Variants in PATJ observed in about 807,000 individuals in gnomAD.
The protein encoded by PATJ is PATJ crumbs cell polarity complex component.
A neutral mutation model predicts 224.9 loss-of-function variants in PATJ; 190 were observed. That is an observed-to-expected ratio of 0.84 (90% CI 0.75 to 0.95). The LOEUF (loss-of-function observed/expected upper bound fraction) is 0.95. Among genes scored for constraint, PATJ ranks in the 40% least tolerant of loss-of-function variants. PATJ has a pLI of 0.00. For synonymous variants in PATJ, 769 were observed against 820.3 expected (o/e 0.94, Z 1.07); for missense variants, 2,121 against 2,270.3 (o/e 0.93, Z 1.34).
At chr1:61,800,399 A>G (rs1441943454) in intron 11 of PATJ, among the ~76,000 whole-genome samples, 1 of 152,070 alleles carries the variant, frequency 6.6e-6, no homozygotes, top group Non-Finnish European at 1.5e-5. Context: ...ATGTCTGTTC[A>G]TGTCTTTTGC....
intron 37 of PATJ, 96 bp from the exon 38 acceptor site, chr1:62,121,085 T>A (rs553843693): frequency 4.0e-6 from 3 of 757,980 alleles, no homozygotes; most frequent in Non-Finnish European, 6.6e-6. Flanking sequence ...TAGATGGTTA[T>A]GGTGACATCA....
At chr1:61,899,257 T>G (rs1336608182) in intron 22 of PATJ, among the ~76,000 whole-genome samples, 1 of 152,182 alleles carries the variant, frequency 6.6e-6, no homozygotes, top group Non-Finnish European at 1.5e-5. Flanking sequence ...TTTTAAGGAA[T>G]ACATTTTATA....
At chr1:61,859,649 A>G (rs1664247398) in intron 18 of PATJ, among the ~76,000 whole-genome samples, 1 of 150,302 alleles carries the variant, frequency 6.7e-6, no homozygotes, top group Admixed American at 6.6e-5. Context: ...ATGGAGTTTC[A>G]CTCTTGTTGC....
At chr1:61,963,033 ATGTTCTT>A (rs1681536117) in intron 27 of PATJ, among the ~76,000 whole-genome samples, 1 of 152,246 alleles carries the variant, frequency 6.6e-6, no homozygotes, top group African/African-American at 2.4e-5. Flanking sequence ...AGGCTGAGAA[ATGTTCTT>A]TTTCTTCTGT....
At chr1:62,160,880 A>T in intron 43 of PATJ, 28 bp from the exon 44 acceptor site, 1 of 1,612,462 alleles carries the variant, frequency 6.2e-7, no homozygotes, top group Non-Finnish European at 8.5e-7. Flanking sequence ...TTTACCCTGG[A>T]TTAAACTGAA....
chr1:61,857,687 G>A (rs867083220), intron 18 of PATJ, among the ~76,000 whole-genome samples: 3 of 152,214 alleles, frequency 2.0e-5, no homozygotes, highest in Admixed American at 6.5e-5. Context: ...TAGTTAAAAT[G>A]CAGTTTCCCA....
chr1:61,907,735 T>C lies in PATJ; in HGVS notation c.3382-637T>C, dbSNP rs574267066. 2.0e-4 allele frequency among the ~76,000 whole-genome samples: 30 copies of C among 152,326 alleles called. No individual in the cohort carries two copies. The South Asian group carries it at 6.2e-3, about 32-fold the overall frequency. On this transcript the variant is annotated intron_variant, in intron 24 of 43. Transcript: ENST00000642238. ...CATTATAGGTTTGAAAAATTAGTTC[T>C]GTTAAACATGTTTTGGAAATACAGA...
At chr1:61,894,264 A>G (rs12131948) in intron 22 of PATJ, among the ~76,000 whole-genome samples, 80,810 of 144,388 alleles carry the variant, frequency 0.56, 22,321 homozygotes, top group Admixed American at 0.65. Flanking sequence ...CATAAAAAAA[A>G]AAAAACACAA....
chr1:61,934,846 T>C (rs1676603075), intron 27 of PATJ, among the ~76,000 whole-genome samples: 1 of 152,122 alleles, frequency 6.6e-6, no homozygotes, highest in Non-Finnish European at 1.5e-5. Flanking sequence ...GTGATGAAAA[T>C]GCAGGTTTGC....
intron 23 of PATJ, among the ~76,000 whole-genome samples, chr1:61,899,993 C>G (rs865986637): frequency 1.3e-5 from 2 of 152,160 alleles, no homozygotes; most frequent in Non-Finnish European, 2.9e-5. Flanking sequence ...ACAACAGTAA[C>G]AGTAGTTGAA....
At position 62,162,608 on chromosome 1, in the gene PATJ, A is replaced by G. The variant is rs1403450148; in HGVS notation, c.*1554A>G. The G allele has an allele frequency of 6.6e-6, 1 of 152,190 alleles. No individual in the cohort carries two copies. Among genetic ancestry groups the G allele is most frequent in the East Asian group, 1.9e-4 (1 of 5,202 alleles). 9.4% of individuals were successfully genotyped at this position (152,190 alleles called of 1,614,324 possible). On this transcript the variant is annotated 3_prime_UTR_variant, in exon 44 of 44. Coordinates refer to ENST00000642238, the MANE Select transcript of PATJ (RefSeq NM_001350145.3). ...CAATCTTATTCATATATTAGCAAGA[A>G]AAAGGGAGAGATGCTTACTGGTGGA...
At chr1:62,151,401 A>G (rs1056441007) in intron 42 of PATJ, among the ~76,000 whole-genome samples, 1 of 151,758 alleles carries the variant, frequency 6.6e-6, no homozygotes, top group African/African-American at 2.4e-5. Flanking sequence ...ACCCTGGCTA[A>G]CATGGTGAAA....
chr1:62,037,882 G>A (rs900226034), intron 29 of PATJ, 95 bp from the exon 30 acceptor site: 11 of 548,424 alleles, frequency 2.0e-5, no homozygotes, highest in African/African-American at 3.8e-5. Flanking sequence ...TGCTGTGTGT[G>A]CATTTTCAAC....
At chr1:62,153,910 TTTTA>T (rs1247317786) in intron 43 of PATJ, among the ~76,000 whole-genome samples, 1 of 152,172 alleles carries the variant, frequency 6.6e-6, no homozygotes, top group Non-Finnish European at 1.5e-5. Context: ...GCATTCTTTA[TTTTA>T]TTTTTTGAGA....
At chr1:61,982,378 T>C (rs932054705) in intron 27 of PATJ, among the ~76,000 whole-genome samples, 1 of 151,964 alleles carries the variant, frequency 6.6e-6, no homozygotes, top group African/African-American at 2.4e-5. Context: ...TGTCTACCAG[T>C]TGAAGAGATG....
At chr1:62,102,429 A>G (rs1189296350) in intron 33 of PATJ, among the ~76,000 whole-genome samples, 1 of 152,180 alleles carries the variant, frequency 6.6e-6, no homozygotes, top group Non-Finnish European at 1.5e-5. Flanking sequence ...TTTTGTTTTG[A>G]ACATCAATGT....
At chr1:61,771,649 T>G in intron 6 of PATJ, 23 bp downstream of exon 6, 1 of 1,512,188 alleles carries the variant, frequency 6.6e-7, no homozygotes, top group Non-Finnish European at 8.9e-7. Context: ...TTTGAAAAAA[T>G]ACTTAATTTT....
Position 61,861,668 on chromosome 1 carries a change from G to T in PATJ, c.2439+1G>T. The T allele has an allele frequency of 7.9e-7, 1 of 1,261,128 alleles. No individual in the cohort carries two copies. Among genetic ancestry groups the T allele is most frequent in the Non-Finnish European group, 1.1e-6 (1 of 924,652 alleles). The allele number at this position is 1,261,128 out of a possible 1,614,324, so 78.1% of individuals were successfully genotyped here. On this transcript the variant is annotated splice_donor_variant, in intron 19 of 43. Transcript: ENST00000642238. LOFTEE classifies it high-confidence loss of function. ...ATCTTTAATACTCGAAGCACCCAAG[G>T]TATTTAATAAATTTATTTCCCATTT...
At chr1:61,801,902 AC>A in intron 12 of PATJ, 133 bp downstream of exon 12, 1 of 578,390 alleles carries the variant, frequency 1.7e-6, no homozygotes, top group Non-Finnish European at 2.8e-6. Context: ...CTTAATATCA[AC>A]TTTTTTTTTG....
Sources: gnomAD v4.1 joint callset for allele counts (sites outside exome capture counted in the v4.1 genomes callset) on GRCh38, gnomAD v4.1.1 for gene constraint, MANE v1.5 for transcripts, NCBI Gene and HGNC (gene_info 2026-07-23, HGNC 2026-07-21) for gene names.